Variants in FGD3 observed in about 807,000 individuals in gnomAD.
The protein encoded by FGD3 is FYVE, RhoGEF and PH domain-containing protein 3.
In FGD3, 45 loss-of-function variants were observed where a neutral mutation model predicts 71.8. The observed-to-expected ratio is 0.63, with a 90% CI of 0.49 to 0.80. The LOEUF (loss-of-function observed/expected upper bound fraction) is 0.80, where lower values mean the gene tolerates loss of function less well. Ranked by LOEUF, FGD3 falls within the 30% of genes least tolerant of loss-of-function variation. FGD3 has a pLI of 0.00. For synonymous variants in FGD3, 378 were observed against 392.8 expected, an observed-to-expected ratio of 0.96 and a Z score of 0.44; for missense variants, 844 against 951.5, an observed-to-expected ratio of 0.89 and a Z score of 1.49.
rs761335820 is a variant in FGD3 at position 93,018,171 on chromosome 9, A to T, written c.1311A>T (p.Thr437=). ...TCGTCAAGCCAAACACAGCACATACATTCATCATAACAGGAAGAAAAAGGT... is the reference window on the plus strand; with the variant it reads ...TCGTCAAGCCAAACACAGCACATACTTTCATCATAACAGGAAGAAAAAGGT... The part of the protein sequence containing the change: ...QDIVKPNTAH[T]FIITGRKRSL... Residue 437 remains threonine, a synonymous_variant, in exon 11 of 18, where the codon ACA becomes ACT. Transcript: ENST00000375482. 7.4e-6 allele frequency: 12 copies of T among 1,614,042 alleles called. No homozygotes were observed. Among genetic ancestry groups the T allele is most frequent in the Non-Finnish European group, 6.8e-6 (8 of 1,180,026 alleles).
chr9:92,996,483 C>A (rs945628807), intron 3 of FGD3, among the ~76,000 whole-genome samples: 2 of 152,108 alleles, frequency 1.3e-5, no homozygotes, highest in African/African-American at 4.8e-5. Flanking sequence ...TCCTTCAGTT[C>A]TGCTCTGATC....
intron 3 of FGD3, among the ~76,000 whole-genome samples, chr9:92,991,764 A>G (rs1860420658): frequency 6.6e-6 from 1 of 152,114 alleles, no homozygotes; most frequent in Admixed American, 6.5e-5. Flanking sequence ...GTCTCCAACC[A>G]CTATTGTATT....
intron 1 of FGD3, among the ~76,000 whole-genome samples, chr9:92,962,304 G>A (rs1019153693): frequency 6.6e-6 from 1 of 152,234 alleles, no homozygotes; most frequent in Non-Finnish European, 1.5e-5. Context: ...TATTCCTAGT[G>A]TACCTGGGTT....
At chr9:93,001,717 C>T (rs61231443) in intron 3 of FGD3, among the ~76,000 whole-genome samples, 1 of 152,116 alleles carries the variant, frequency 6.6e-6, no homozygotes, top group Non-Finnish European at 1.5e-5. Context: ...CACTGATTTC[C>T]CTAGGTTTAA....
rs1372988027 is a variant in FGD3, at chr9:93,013,960, G to T, written c.1144G>T (p.Ala382Ser). ...IKEGQIQKLS[A>S]KNGTPQDRHL... The stretch of plus-strand genomic sequence containing the variant: ...GGAGGGCCAAATCCAGAAACTGTCA[G>T]CCAAGAACGGCACCCCCCAGGACCG... The change falls in exon 9 of 18, where the codon GCC (alanine) becomes TCC (serine). Residue 382 changes from alanine to serine, a missense_variant. By Grantham distance (99) the Ala-to-Ser change is moderately conservative. Transcript: ENST00000375482. 1.2e-6 allele frequency: 2 copies of T among 1,611,256 alleles called. No individual in the cohort carries two copies. The highest frequency in any genetic ancestry group is 1.3e-5 in the African/African-American group (1 of 74,828).
chr9:93,011,190 C>T, intron 7 of FGD3, 24 bp from the exon 8 acceptor site: 1 of 1,613,968 alleles, frequency 6.2e-7, no homozygotes, highest in Non-Finnish European at 8.5e-7. Context: ...TGGCCCCAGG[C>T]TGAACACAGT....
At position 93,032,619 on chromosome 9, in the gene FGD3, A is replaced by G. The variant is rs115127610; in HGVS notation, c.1681-150A>G. 2,267 of 755,354 alleles carry G rather than the reference A, an allele frequency of 3.0e-3. 32 individuals carry two copies. The African/African-American group carries it at 0.035, about 12-fold the overall frequency. 46.8% of individuals were successfully genotyped at this position (755,354 alleles called of 1,614,324 possible). A position where few individuals can be genotyped will look rare whatever the true frequency, so the allele number is the denominator to read the frequency against. On this transcript the variant is annotated intron_variant, in intron 15 of 17. Coordinates refer to ENST00000375482, the MANE Select transcript of FGD3 (RefSeq NM_001083536.2). ...CTGCCCTCAGACAGGGCTCCCCTCA[A>G]GGAGAAGCTCTTATCCCTCGCCACA...
At chr9:93,009,262 CA>C (rs11435432) in intron 6 of FGD3, among the ~76,000 whole-genome samples, 11 of 148,114 alleles carry the variant, frequency 7.4e-5, no homozygotes, top group Admixed American at 6.7e-5. Flanking sequence ...GACTCCGTCT[CA>C]AAAAAAAAAA....
At chr9:93,011,115 G>C in intron 7 of FGD3, 99 bp from the exon 8 acceptor site, 1 of 1,246,916 alleles carries the variant, frequency 8.0e-7, no homozygotes, top group Non-Finnish European at 1.2e-6. Context: ...TGAGGGCAGA[G>C]ACAGATCCTC....
intron 10 of FGD3, among the ~76,000 whole-genome samples, chr9:93,017,074 G>A (rs1412212115): frequency 1.3e-5 from 2 of 152,148 alleles, no homozygotes; most frequent in East Asian, 3.9e-4. Context: ...TTCGGGACCA[G>A]CCTGGGCAAT....
At chr9:92,973,335 G>T (rs7034947) in intron 1 of FGD3, among the ~76,000 whole-genome samples, 2 of 151,942 alleles carry the variant, frequency 1.3e-5, no homozygotes, top group Non-Finnish European at 2.9e-5. Context: ...GGCTGGTCTC[G>T]AACTCCTGCC....
At chr9:92,974,064 A>G (rs1170408676) in intron 1 of FGD3, among the ~76,000 whole-genome samples, 5 of 152,194 alleles carry the variant, frequency 3.3e-5, no homozygotes, top group Admixed American at 1.3e-4. Context: ...CGCTTGGTGT[A>G]GAGCCTTGCA....
At chr9:93,027,472 T>C (rs1379897166) in intron 14 of FGD3, among the ~76,000 whole-genome samples, 1 of 152,158 alleles carries the variant, frequency 6.6e-6, no homozygotes, top group African/African-American at 2.4e-5. Flanking sequence ...TCTCTTCTTA[T>C]AAAGACACCA....
chr9:92,998,765 C>G (rs1196211957), intron 3 of FGD3, among the ~76,000 whole-genome samples: 3 of 152,168 alleles, frequency 2.0e-5, no homozygotes, highest in Admixed American at 6.6e-5. Flanking sequence ...CTGGGTATCA[C>G]AAGTGGAGGC....
At chr9:93,017,006 C>T (rs1482489088) in intron 10 of FGD3, among the ~76,000 whole-genome samples, 4 of 152,334 alleles carry the variant, frequency 2.6e-5, no homozygotes, top group Admixed American at 6.5e-5. Flanking sequence ...CGCTGGCTCA[C>T]GCCTACAATC....
At chr9:92,952,007 C>G (rs1395473888) in intron 1 of FGD3, among the ~76,000 whole-genome samples, 1 of 152,086 alleles carries the variant, frequency 6.6e-6, no homozygotes, top group Non-Finnish European at 1.5e-5. Flanking sequence ...CCTGATCTTG[C>G]TTTTAAACAA....
At chr9:93,019,455 G>A (rs1381169229) in intron 11 of FGD3, among the ~76,000 whole-genome samples, 2 of 152,212 alleles carry the variant, frequency 1.3e-5, no homozygotes, top group Non-Finnish European at 2.9e-5. Context: ...AGATTTGCTG[G>A]TCACAGGGTA....
intron 6 of FGD3, among the ~76,000 whole-genome samples, chr9:93,007,341 C>T (rs575035326): frequency 6.2e-4 from 92 of 148,778 alleles, no homozygotes; most frequent in Admixed American, 2.3e-3. Flanking sequence ...CCACCCACCT[C>T]GGCCTCCCAA....
intron 1 of FGD3, among the ~76,000 whole-genome samples, chr9:92,973,277 G>C (rs964119819): frequency 6.6e-6 from 1 of 151,930 alleles, no homozygotes; most frequent in African/African-American, 2.4e-5. Context: ...ACCATGCCTG[G>C]CTAATTTTTG....
Sources: gnomAD v4.1 joint callset for allele counts (sites outside exome capture counted in the v4.1 genomes callset) on GRCh38, gnomAD v4.1.1 for gene constraint, MANE v1.5 for transcripts, NCBI Gene and HGNC (gene_info 2026-07-23, HGNC 2026-07-21) for gene names.